The following DYSF variants were observed in gnomAD, a reference collection of about 807,000 sequenced individuals.
DYSF encodes the protein dysferlin, also known as dystrophy-associated fer-1-like 1.
A neutral mutation model predicts 274.9 loss-of-function variants in DYSF; 212 were observed. That is an observed-to-expected ratio of 0.77 (90% CI 0.69 to 0.86). The LOEUF is 0.86. Among genes scored for constraint, DYSF ranks in the 40% least tolerant of loss-of-function variants. The pLI, the probability that DYSF is intolerant of heterozygous loss-of-function variation, is 0.00. For synonymous variants in DYSF, 1,091 were observed against 1,078.7 expected (o/e 1.01, Z -0.22); for missense variants, 2,666 against 2,783.2 (o/e 0.96, Z 0.95).
At chr2:71,496,189 G>A (rs558327770) in intron 3 of DYSF, among the ~76,000 whole-genome samples, 2 of 152,062 alleles carry the variant, frequency 1.3e-5, no homozygotes, top group South Asian at 4.1e-4. Context: ...GCTTTTAAAA[G>A]CTTTTTAAAA....
chr2:71,669,499 G>C, intron 50 of DYSF, 106 bp from the exon 51 acceptor site: 1 of 1,403,808 alleles, frequency 7.1e-7, no homozygotes, highest in East Asian at 2.3e-5. Flanking sequence ...TTCTTTTTGC[G>C]ATAAGCTCAT....
chr2:71,500,460 G>A (rs2084868540), intron 3 of DYSF, among the ~76,000 whole-genome samples: 1 of 152,052 alleles, frequency 6.6e-6, no homozygotes. Flanking sequence ...TGCATTTCAT[G>A]GCCCCAAAAA....
At chr2:71,525,414 A>AG (rs2087755784) in intron 12 of DYSF, among the ~76,000 whole-genome samples, 1 of 152,058 alleles carries the variant, frequency 6.6e-6, no homozygotes, top group South Asian at 2.1e-4. Flanking sequence ...TGGTAGAGAC[A>AG]GGGTTTCCCC....
At chr2:71,653,810 TAAA>T (rs1051272344) in intron 42 of DYSF, among the ~76,000 whole-genome samples, 4 of 151,146 alleles carry the variant, frequency 2.6e-5, no homozygotes, top group African/African-American at 9.7e-5. Context: ...TAAAGTATAA[TAAA>T]AAAATAAAAT....
At chr2:71,592,908 A>G (rs2093309599) in intron 32 of DYSF, among the ~76,000 whole-genome samples, 1 of 152,140 alleles carries the variant, frequency 6.6e-6, no homozygotes, top group Non-Finnish European at 1.5e-5. Context: ...TTGTTGAATA[A>G]TATTGAACTT....
At chr2:71,508,306 C>T (rs1276306236) in intron 4 of DYSF, among the ~76,000 whole-genome samples, 1 of 152,190 alleles carries the variant, frequency 6.6e-6, no homozygotes, top group African/African-American at 2.4e-5. Flanking sequence ...AACCACAACA[C>T]AGCCTTCCAA....
intron 16 of DYSF, among the ~76,000 whole-genome samples, chr2:71,536,398 T>C (rs1365177042): frequency 6.6e-6 from 1 of 152,224 alleles, no homozygotes; most frequent in Non-Finnish European, 1.5e-5. Flanking sequence ...CAGGAGGGCC[T>C]GTGAGGGAGA....
At chr2:71,656,139 C>T in intron 42 of DYSF, 23 bp from the exon 43 acceptor site, 1 of 1,614,068 alleles carries the variant, frequency 6.2e-7, no homozygotes, top group Non-Finnish European at 8.5e-7. Flanking sequence ...CTTGTCCCCT[C>T]CTCTAATCCC....
chr2:71,482,047 C>T (rs2082958437), intron 3 of DYSF, 77 bp downstream of exon 3: 1 of 1,210,226 alleles, frequency 8.3e-7, no homozygotes, highest in Middle Eastern at 2.6e-4. Context: ...TGCAGAATCC[C>T]AGGCCCCAGG....
intron 42 of DYSF, among the ~76,000 whole-genome samples, chr2:71,644,300 A>G (rs1044437786): frequency 2.9e-4 from 44 of 152,186 alleles, no homozygotes; most frequent in African/African-American, 8.0e-4. Context: ...GCTGAAGAAT[A>G]TGGAAGTGTT....
In DYSF at chr2:71,515,758, G is replaced by C. The variant is rs369722261; in HGVS notation, c.888+7G>C. On this transcript the variant is annotated splice_region_variant and intron_variant, in intron 8 of 55. Coordinates refer to ENST00000410020, the MANE Select transcript of DYSF (RefSeq NM_001130987.2). ...CAGCCCACTCTTCAATGAGGTGGGA[G>C]ACATGGGGCATGAGGGCCAGAACCT... 6.2e-7 allele frequency: 1 copy of C among 1,614,020 alleles called. No homozygotes were observed. Among genetic ancestry groups the C allele is most frequent in the Non-Finnish European group, 8.5e-7 (1 of 1,180,014 alleles).
At chr2:71,582,750 G>A (rs2092937013) in intron 30 of DYSF, among the ~76,000 whole-genome samples, 1 of 152,116 alleles carries the variant, frequency 6.6e-6, no homozygotes, top group South Asian at 2.1e-4. Flanking sequence ...CCAATTTCAA[G>A]CTAGCAATGT....
At chr2:71,582,528 T>C (rs1301472572) in intron 30 of DYSF, among the ~76,000 whole-genome samples, 2 of 152,186 alleles carry the variant, frequency 1.3e-5, no homozygotes, top group Non-Finnish European at 2.9e-5. Context: ...GGGTTTGTAG[T>C]AGTGTACACT....
At chr2:71,682,020 A>G (rs75020731) in intron 54 of DYSF, among the ~76,000 whole-genome samples, 280 of 152,290 alleles carry the variant, frequency 1.8e-3, no homozygotes, top group African/African-American at 5.6e-3. Context: ...TGAGATGTGG[A>G]GCTGGCCTAG....
Position 71,513,854 on chromosome 2 carries a change from G to A in DYSF, c.692G>A (p.Gly231Glu), listed in dbSNP as rs2086362258. Residue 231 changes from glycine (G) to glutamate (E), a missense_variant, in exon 7 of 56, where the codon GGG (glycine) becomes GAG (glutamate). Physicochemically the swap from Gly to Glu is moderately conservative, Grantham distance 98 (BLOSUM62 -2). This residue lies in a region of DYSF where 794 missense variants were observed against 777.1 expected (regional missense o/e 1.02). Coordinates refer to ENST00000410020, the MANE Select transcript of DYSF (RefSeq NM_001130987.2). ...LPSRPPPHYP[G>E]IKRKRSAPTS... Reference sequence around the variant, plus strand: ...TCACGTCCTCCGCCCCACTACCCCGGGATCAAAAGAAAGCGAAGTGCGCCT... The same window carrying A: ...TCACGTCCTCCGCCCCACTACCCCGAGATCAAAAGAAAGCGAAGTGCGCCT... The A allele has an allele frequency of 6.2e-7, 1 of 1,614,054 alleles. No individual in the cohort carries two copies. Among genetic ancestry groups the A allele is most frequent in the South Asian group, 1.1e-5 (1 of 91,084 alleles).
intron 22 of DYSF, among the ~76,000 whole-genome samples, chr2:71,559,410 C>T (rs1245356195): frequency 6.6e-6 from 1 of 152,174 alleles, no homozygotes; most frequent in Non-Finnish European, 1.5e-5. Flanking sequence ...CTCTCCCACC[C>T]CTCCTTTAGT....
intron 29 of DYSF, among the ~76,000 whole-genome samples, chr2:71,572,298 GATCACACCCAGCACACAGAA>G (rs1339544171): frequency 7.6e-6 from 1 of 132,104 alleles, no homozygotes; most frequent in Non-Finnish European, 1.6e-5. Flanking sequence ...CACACCCACA[GATCACACCCAGCACACAGAA>G]ATCACACCCA....
chr2:71,637,568 G>A (rs1242280379), intron 41 of DYSF, among the ~76,000 whole-genome samples: 17 of 152,182 alleles, frequency 1.1e-4, no homozygotes, highest in African/African-American at 2.4e-5. Flanking sequence ...GGTGCCGGGC[G>A]GCACTGGGGC....
chr2:71,586,261 GC>G (rs2093064697), intron 30 of DYSF, among the ~76,000 whole-genome samples: 1 of 152,138 alleles, frequency 6.6e-6, no homozygotes, highest in African/African-American at 2.4e-5. Context: ...GAGGGACTGA[GC>G]TTAGTGGCTT....
Sources: gnomAD v4.1 joint callset for allele counts (sites outside exome capture counted in the v4.1 genomes callset) on GRCh38, gnomAD v4.1.1 for gene constraint, gnomAD v4.1.1 regional missense constraint, MANE v1.5 for transcripts, NCBI Gene and HGNC (gene_info 2026-07-23, HGNC 2026-07-21) for gene names.